The following FA2H variants were observed in gnomAD, a reference collection of about 807,000 sequenced individuals.
FA2H encodes the protein fatty acid 2-hydroxylase.
A neutral mutation model predicts 44.9 loss-of-function variants in FA2H; 22 were observed. The ratio of observed to expected loss-of-function variants is 0.49; its 90% CI spans 0.35 to 0.70. The LOEUF is 0.70. Ranked by LOEUF, FA2H falls within the 30% of genes least tolerant of loss-of-function variation. The pLI, the probability that FA2H is intolerant of heterozygous loss-of-function variation, is 0.01. For missense variants in FA2H, 501 were observed against 504.9 expected (o/e 0.99, Z 0.07); for synonymous variants, 243 against 213.2 (o/e 1.14, Z -1.22).
chr16:74,727,821 G>C (rs1961991407), intron 2 of FA2H, among the ~76,000 whole-genome samples: 1 of 152,306 alleles, frequency 6.6e-6, no homozygotes, highest in South Asian at 2.1e-4. Context: ...GGACTCTTGA[G>C]GTACAGGAGG....
chr16:74,747,184 A>T (rs571626415), intron 1 of FA2H, among the ~76,000 whole-genome samples: 96 of 152,060 alleles, frequency 6.3e-4, no homozygotes, highest in African/African-American at 2.3e-3. Context: ...GGTGGCAGGC[A>T]CCTGTAATCT....
chr16:74,722,716 C>T (rs1441399287), intron 4 of FA2H, among the ~76,000 whole-genome samples: 1 of 151,954 alleles, frequency 6.6e-6, no homozygotes, highest in Admixed American at 6.6e-5. Flanking sequence ...AGTTCGAGAC[C>T]AGCCTGACCA....
rs1369542292 is a variant in FA2H, at chr16:74,739,074, G to C, written c.363+949C>G. ...GGGCCCAGCAGACAGTCAGCTTTGT[G>C]GGGTCCCCACCCCACTCTGCTCACC... On this transcript the variant is annotated intron_variant, in intron 2 of 6. Transcript: ENST00000219368. 4.6e-5 allele frequency among the ~76,000 whole-genome samples: 7 copies of C among 152,344 alleles called. No individual in the cohort carries two copies. In the South Asian group the frequency reaches 1.4e-3, roughly 32 times the overall value.
intron 1 of FA2H, among the ~76,000 whole-genome samples, chr16:74,759,210 A>G (rs1327924804): frequency 1.3e-5 from 2 of 152,238 alleles, no homozygotes; most frequent in Non-Finnish European, 2.9e-5. Context: ...TCAGTCTTCA[A>G]TGTCTTTAAA....
chr16:74,733,312 G>C (rs958260419), intron 2 of FA2H, among the ~76,000 whole-genome samples: 3 of 152,326 alleles, frequency 2.0e-5, no homozygotes, highest in East Asian at 3.9e-4. Flanking sequence ...AGCCCCGTGA[G>C]CCTTCCAGAT....
chr16:74,748,091 G>GGGACAGGCATTCAAATA (rs879771019), intron 1 of FA2H, among the ~76,000 whole-genome samples: 46 of 152,330 alleles, frequency 3.0e-4, no homozygotes, highest in South Asian at 1.0e-3. Flanking sequence ...TGGCCCCGGG[G>GGGACAGGCATTCAAATA]GGACAGGCAT....
rs371808082 is a variant in FA2H at position 74,740,534 on chromosome 16, C to T, written c.271-419G>A. On this transcript the variant is annotated intron_variant, in intron 1 of 6. Transcript: ENST00000219368. ...ACTCAGGAGGCTGAGGCAGAAGAATCGCTTGAACCCGGGAGGTAGAGGTTG... is the reference window on the plus strand; with the variant it reads ...ACTCAGGAGGCTGAGGCAGAAGAATTGCTTGAACCCGGGAGGTAGAGGTTG... Among the ~76,000 whole-genome samples the T allele has an allele frequency of 1.4e-3, 219 of 151,186 alleles. 1 individual carries two copies. The East Asian group carries it at 0.031, about 22-fold the overall frequency.
chr16:74,736,434 G>A (rs1342447372), intron 2 of FA2H, among the ~76,000 whole-genome samples: 1 of 152,108 alleles, frequency 6.6e-6, no homozygotes, highest in Non-Finnish European at 1.5e-5. Flanking sequence ...TGGCCAAAAG[G>A]GCCCTTTCTC....
At chr16:74,723,793 T>A (rs1351245557) in intron 4 of FA2H, among the ~76,000 whole-genome samples, 1 of 152,128 alleles carries the variant, frequency 6.6e-6, no homozygotes, top group Non-Finnish European at 1.5e-5. Flanking sequence ...TGTTACAGTT[T>A]CCTCAGGGAA....
At chr16:74,722,765 G>A (rs891913892) in intron 4 of FA2H, among the ~76,000 whole-genome samples, 2 of 152,088 alleles carry the variant, frequency 1.3e-5, no homozygotes, top group Admixed American at 6.5e-5. Flanking sequence ...ACAAAAATTA[G>A]CCGGTCATGG....
At chr16:74,759,335 T>C (rs564379266) in intron 1 of FA2H, among the ~76,000 whole-genome samples, 1 of 152,338 alleles carries the variant, frequency 6.6e-6, no homozygotes, top group Non-Finnish European at 1.5e-5. Context: ...CCCTAGGTCT[T>C]ACTGCTGAGA....
At chr16:74,763,335 G>A (rs1176695036) in intron 1 of FA2H, among the ~76,000 whole-genome samples, 1 of 152,006 alleles carries the variant, frequency 6.6e-6, no homozygotes, top group Admixed American at 6.6e-5. Flanking sequence ...TCCATTCACT[G>A]CAACCTCAGC....
chr16:74,730,561 C>G (rs916053860), intron 2 of FA2H, among the ~76,000 whole-genome samples: 1 of 149,900 alleles, frequency 6.7e-6, no homozygotes, highest in Non-Finnish European at 1.5e-5. Context: ...ACACACACAC[C>G]CTGCACCACC....
chr16:74,714,274 A>C lies in FA2H; in HGVS notation c.1040-5T>G. ...ATTTAGTGCTGATACCAAATCCTAG[A>C]GAGGGAGACAAACGGGGAGAAGATG... On this transcript the variant is annotated splice_polypyrimidine_tract_variant and splice_region_variant and intron_variant, in intron 6 of 6. Transcript: ENST00000219368. 4 of 1,545,400 alleles carry C rather than the reference A, an allele frequency of 2.6e-6. No homozygotes were observed. Among genetic ancestry groups the C allele is most frequent in the Non-Finnish European group, 3.5e-6 (4 of 1,139,338 alleles).
chr16:74,725,774 A>C (rs1961940048), intron 4 of FA2H, among the ~76,000 whole-genome samples: 1 of 151,792 alleles, frequency 6.6e-6, no homozygotes, highest in Non-Finnish European at 1.5e-5. Flanking sequence ...CCTTGGACAC[A>C]CTCTAGGACA....
At chr16:74,750,621 C>G (rs923606325) in intron 1 of FA2H, among the ~76,000 whole-genome samples, 4 of 152,186 alleles carry the variant, frequency 2.6e-5, no homozygotes, top group African/African-American at 9.7e-5. Context: ...TTCCCTCTCC[C>G]CATGCCTGGC....
Position 74,728,508 on chromosome 16 carries a change from G to A in FA2H, c.364-1122C>T, listed in dbSNP as rs568453416. On this transcript the variant is annotated intron_variant, in intron 2 of 6. Transcript: ENST00000219368. ...GATGACAGGGAGTGTGGGCACAGAT[G>A]TAAAGTTGAATATGGTTGTGGCCTT... Among the ~76,000 whole-genome samples the A allele has an allele frequency of 8.5e-5, 13 of 152,228 alleles. No homozygotes were observed. The South Asian group carries it at 1.5e-3, about 17-fold the overall frequency.
At chr16:74,717,909 C>G (rs904544643) in intron 5 of FA2H, among the ~76,000 whole-genome samples, 4 of 152,178 alleles carry the variant, frequency 2.6e-5, no homozygotes, top group African/African-American at 9.7e-5. Flanking sequence ...GACACAGAAG[C>G]AGATGCAGTG....
chr16:74,727,151 G>T, intron 3 of FA2H, 93 bp downstream of exon 3: 1 of 1,514,810 alleles, frequency 6.6e-7, no homozygotes, highest in East Asian at 2.3e-5. Flanking sequence ...CCTGGGCTCT[G>T]GGGAGGGACT....
Sources: gnomAD v4.1 joint callset for allele counts (sites outside exome capture counted in the v4.1 genomes callset) on GRCh38, gnomAD v4.1.1 for gene constraint, MANE v1.5 for transcripts, NCBI Gene and HGNC (gene_info 2026-07-23, HGNC 2026-07-21) for gene names.